Variants in SGCG observed in about 807,000 individuals in gnomAD.
SGCG encodes sarcoglycan gamma, also known as gamma-sarcoglycan.
A neutral mutation model predicts 29.3 loss-of-function variants in SGCG; 26 were observed. The observed-to-expected ratio is 0.89, with a 90% confidence interval of 0.65 to 1.23. SGCG has a LOEUF of 1.23. SGCG is among the 50% of genes most tolerant of loss of function. The probability of loss-of-function intolerance (pLI) is 0.00; values close to 1 mark genes in which losing one functional copy is unlikely to be tolerated. For synonymous variants in SGCG, 145 were observed against 129.7 expected (o/e 1.12, Z -0.80); for missense variants, 353 against 356.0 (o/e 0.99, Z 0.07).
chr13:23,174,235 G>A, the SGCG span, among the ~76,000 whole-genome samples: 1 of 152,154 alleles, frequency 6.6e-6, no homozygotes, highest in Admixed American at 6.5e-5. Flanking sequence ...ACAGCTGTGG[G>A]AGCCTCAACC....
At chr13:23,234,334 A>T (rs1879224611) in intron 2 of SGCG, among the ~76,000 whole-genome samples, 1 of 152,072 alleles carries the variant, frequency 6.6e-6, no homozygotes, top group African/African-American at 2.4e-5. Context: ...TTTTTAAAAA[A>T]ATGGATTCTT....
chr13:23,324,352 ATCT>A lies in SGCG; in HGVS notation c.703-12_703-10del, dbSNP rs1667422675. On this transcript the variant is annotated splice_polypyrimidine_tract_variant and intron_variant, in intron 7 of 7. Coordinates refer to ENST00000218867, the MANE Select transcript of SGCG (RefSeq NM_000231.3). Reference sequence around the variant, plus strand: ...GCCCTTCCTTAACTCTTCGTCTCTCATCTTCTCCCAACCAGCTTGTGCTTGATG... The same window carrying A: ...GCCCTTCCTTAACTCTTCGTCTCTCATCTCCCAACCAGCTTGTGCTTGATG... 1.2e-6 allele frequency: 2 copies of A among 1,613,896 alleles called. No individual in the cohort carries two copies. Among genetic ancestry groups the A allele is most frequent in the Non-Finnish European group, 1.7e-6 (2 of 1,179,928 alleles).
At chr13:23,172,998 G>A in the SGCG span, among the ~76,000 whole-genome samples, 1 of 152,108 alleles carries the variant, frequency 6.6e-6, no homozygotes, top group South Asian at 2.1e-4. Flanking sequence ...AGAAGATTGA[G>A]AAAAATCATA....
At chr13:23,319,580 G>A (rs1009937603) in intron 6 of SGCG, among the ~76,000 whole-genome samples, 7 of 152,084 alleles carry the variant, frequency 4.6e-5, no homozygotes, top group Non-Finnish European at 7.4e-5. Context: ...TTAAATAAAT[G>A]TTCAGTCAAT....
intron 2 of SGCG, among the ~76,000 whole-genome samples, chr13:23,210,255 C>G (rs1042600094): frequency 6.6e-6 from 1 of 151,900 alleles, no homozygotes; most frequent in Non-Finnish European, 1.5e-5. Context: ...CAAAAATGTT[C>G]TTTGATGCAT....
intron 5 of SGCG, among the ~76,000 whole-genome samples, chr13:23,284,055 A>G (rs1385139200): frequency 1.3e-5 from 2 of 151,848 alleles, no homozygotes; most frequent in African/African-American, 2.4e-5. Context: ...CTTTATTTCA[A>G]CCTTGGTGAA....
intron 3 of SGCG, among the ~76,000 whole-genome samples, chr13:23,248,086 GC>G (rs768864262): frequency 9.3e-5 from 14 of 150,590 alleles, no homozygotes; most frequent in Non-Finnish European, 4.4e-5. Flanking sequence ...ACCAGCCTAG[GC>G]AACATAGTGA....
At chr13:23,300,337 G>A (rs1047211244) in intron 6 of SGCG, among the ~76,000 whole-genome samples, 10 of 152,172 alleles carry the variant, frequency 6.6e-5, no homozygotes, top group African/African-American at 2.4e-4. Flanking sequence ...TCAGAGTAGA[G>A]GAAGAGTTAA....
chr13:23,274,479 T>C (rs1241481959), intron 4 of SGCG, among the ~76,000 whole-genome samples: 1 of 142,728 alleles, frequency 7.0e-6, no homozygotes, highest in Non-Finnish European at 1.5e-5. Context: ...CTTGGCTCGC[T>C]GCAAGCTCCA....
intron 2 of SGCG, among the ~76,000 whole-genome samples, chr13:23,229,134 T>G (rs1214421573): frequency 1.3e-5 from 2 of 152,196 alleles, no homozygotes; most frequent in African/African-American, 2.4e-5. Context: ...CCTCCCAAAG[T>G]GCTGGGATTA....
intron 4 of SGCG, among the ~76,000 whole-genome samples, chr13:23,274,615 G>T (rs1000355626): frequency 6.6e-6 from 1 of 151,696 alleles, no homozygotes. Context: ...GTAGAGACGG[G>T]GTTTCACCGT....
chr13:23,302,635 C>G (rs1275180850), intron 6 of SGCG, among the ~76,000 whole-genome samples: 3 of 149,086 alleles, frequency 2.0e-5, no homozygotes, highest in Non-Finnish European at 4.4e-5. Context: ...TAAATATGTT[C>G]ATTTATTACA....
In SGCG at chr13:23,234,608, C is replaced by T. The variant is rs765273430; in HGVS notation, c.196-3C>T. The T allele has an allele frequency of 1.8e-5, 28 of 1,571,304 alleles. No homozygotes were observed. In the African/African-American group the frequency reaches 3.8e-4, roughly 22 times the overall value. On this transcript the variant is annotated splice_polypyrimidine_tract_variant and splice_region_variant and intron_variant, in intron 2 of 7. Transcript: ENST00000218867. ...CGCATTGTCTCTTTTTTTTTTTTAA[C>T]AGGCAGGAATGGGCCACTTGTGTGT... is the stretch of plus-strand genomic sequence containing the variant.
chr13:23,251,095 G>A (rs889055561), intron 4 of SGCG, among the ~76,000 whole-genome samples: 2 of 152,074 alleles, frequency 1.3e-5, no homozygotes, highest in African/African-American at 4.8e-5. Context: ...TTCCCTCCCC[G>A]TTCTTTCTTC....
chr13:23,262,916 A>G (rs1880499718), intron 4 of SGCG, among the ~76,000 whole-genome samples: 1 of 152,124 alleles, frequency 6.6e-6, no homozygotes, highest in South Asian at 2.1e-4. Flanking sequence ...TTTGGGGTTA[A>G]CAATGACATT....
chr13:23,225,472 A>C (rs569311132), intron 2 of SGCG, among the ~76,000 whole-genome samples: 30 of 152,174 alleles, frequency 2.0e-4, no homozygotes, highest in Admixed American at 9.2e-4. Flanking sequence ...CATAATTTCC[A>C]ATTTTATCCA....
At chr13:23,180,239 T>C (rs7320081), upstream of SGCG, among the ~76,000 whole-genome samples, 3,865 of 152,344 alleles carry the variant, frequency 0.025, 161 homozygotes, top group African/African-American at 0.088. Context: ...CGATATTTAT[T>C]CTGTTGTCTT....
chr13:23,228,246 T>C (rs548420933), intron 2 of SGCG, among the ~76,000 whole-genome samples: 1 of 152,362 alleles, frequency 6.6e-6, no homozygotes, highest in Admixed American at 6.5e-5. Context: ...GTAAATCTTA[T>C]TGTTTGTAAA....
At chr13:23,234,005 C>T (rs1005826191) in intron 2 of SGCG, among the ~76,000 whole-genome samples, 6 of 152,336 alleles carry the variant, frequency 3.9e-5, no homozygotes, top group African/African-American at 1.4e-4. Context: ...CAAGTTTTAA[C>T]AGCACAGCGG....
Sources: gnomAD v4.1 joint callset for allele counts (sites outside exome capture counted in the v4.1 genomes callset) on GRCh38, gnomAD v4.1.1 for gene constraint, MANE v1.5 for transcripts, NCBI Gene and HGNC (gene_info 2026-07-23, HGNC 2026-07-21) for gene names.